Variants in PPP1R37 observed in about 807,000 individuals in gnomAD.
PPP1R37 encodes the protein protein phosphatase 1 regulatory subunit 37.
PPP1R37 carries 21 observed loss-of-function variants against 61.0 expected under a neutral mutation model. That is an observed-to-expected ratio of 0.34 (90% CI 0.24 to 0.50). PPP1R37 has a LOEUF of 0.50. PPP1R37 is among the 20% of genes least tolerant of loss of function. The pLI is 0.98. For synonymous variants in PPP1R37, 443 were observed against 433.5 expected (o/e 1.02, Z -0.27); for missense variants, 910 against 952.7 (o/e 0.96, Z 0.59).
At chr19:45,140,434 G>A in intron 3 of PPP1R37, 72 bp from the exon 4 acceptor site, 1 of 1,313,948 alleles carries the variant, frequency 7.6e-7, no homozygotes, top group Non-Finnish European at 1.1e-6. Context: ...GGGAGGTTGG[G>A]GGCAGAGGGC....
chr19:45,100,853 C>A (rs1968054265), intron 1 of PPP1R37, among the ~76,000 whole-genome samples: 1 of 152,182 alleles, frequency 6.6e-6, no homozygotes, highest in South Asian at 2.1e-4. Flanking sequence ...GAGATTTGTG[C>A]TGCTCCTCTG....
At chr19:45,098,536 C>T (rs1475903921) in intron 1 of PPP1R37, among the ~76,000 whole-genome samples, 1 of 152,270 alleles carries the variant, frequency 6.6e-6, no homozygotes, top group East Asian at 1.9e-4. Context: ...GGTTTGCCCA[C>T]TAGGAAGCTA....
intron 1 of PPP1R37, chr19:45,128,463 TAGAGGCAGCGGCAGCAGCAGGCCC>T: frequency 1.6e-6 from 1 of 626,910 alleles, no homozygotes; most frequent in Non-Finnish European, 2.7e-6. Flanking sequence ...GGCAGGGTGG[TAGAGGCAGCGGCAGCAGCAGGCCC>T]AGAGGCAGCG....
chr19:45,125,587 G>A (rs941315505), intron 1 of PPP1R37, among the ~76,000 whole-genome samples: 1 of 152,222 alleles, frequency 6.6e-6, no homozygotes, highest in African/African-American at 2.4e-5. Context: ...AACCACCCTA[G>A]TGGGAAGAGA....
intron 1 of PPP1R37, among the ~76,000 whole-genome samples, chr19:45,102,502 G>T (rs527845228): frequency 6.6e-6 from 1 of 152,358 alleles, no homozygotes; most frequent in African/African-American, 2.4e-5. Context: ...GGCTGTTGCA[G>T]GCGCTCATGA....
rs1968681219 is a variant in PPP1R37 at position 45,145,563 on chromosome 19, C to CCGGACT, written c.1509_1514dup (p.Ser511_Asp512dup). The CCGGACT allele has an allele frequency of 6.5e-7, 1 of 1,535,440 alleles. No homozygotes were observed. Among genetic ancestry groups the CCGGACT allele is most frequent in the African/African-American group, 1.4e-5 (1 of 73,064 alleles). ...CGGGGCCCCCAGCCCCGCACCCAGCCCGGACTCAGACTCAGACTCGGACTC... is the reference window on the plus strand; with the variant it reads ...CGGGGCCCCCAGCCCCGCACCCAGCCCGGACTCGGACTCAGACTCAGACTCGGACTC... On this transcript the variant is annotated inframe_insertion, in exon 11 of 13. Transcript: ENST00000221462.
At chr19:45,124,564 A>T (rs192767212) in intron 1 of PPP1R37, among the ~76,000 whole-genome samples, 138 of 152,124 alleles carry the variant, frequency 9.1e-4, no homozygotes, top group African/African-American at 3.1e-3. Context: ...GCTCTCACGC[A>T]TCATCTGTGT....
chr19:45,127,373 A>C (rs2036988960), intron 1 of PPP1R37, among the ~76,000 whole-genome samples: 1 of 149,712 alleles, frequency 6.7e-6, no homozygotes, highest in Non-Finnish European at 1.5e-5. Flanking sequence ...AAAAAAAAAA[A>C]AAACCCTAGG....
At chr19:45,137,260 CCT>C (rs1341670885) in intron 1 of PPP1R37, among the ~76,000 whole-genome samples, 1 of 152,228 alleles carries the variant, frequency 6.6e-6, no homozygotes, top group Non-Finnish European at 1.5e-5. Flanking sequence ...AGTACAAATT[CCT>C]GTCAGCTGGT....
chr19:45,100,607 C>G (rs926259664), intron 1 of PPP1R37, among the ~76,000 whole-genome samples: 1 of 152,232 alleles, frequency 6.6e-6, no homozygotes, highest in African/African-American at 2.4e-5. Flanking sequence ...AGCCTGGCGC[C>G]GAAGCCTGCG....
At chr19:45,109,399 T>C (rs1388316522) in intron 1 of PPP1R37, among the ~76,000 whole-genome samples, 1 of 152,108 alleles carries the variant, frequency 6.6e-6, no homozygotes, top group Non-Finnish European at 1.5e-5. Context: ...AGCCCAGGCC[T>C]TGGAGGCCCT....
intron 1 of PPP1R37, among the ~76,000 whole-genome samples, chr19:45,110,116 C>CTTT (rs373508881): frequency 4.9e-5 from 7 of 142,486 alleles, no homozygotes; most frequent in African/African-American, 2.6e-5. Flanking sequence ...TTCCCTTTTT[C>CTTT]TTTTTTTTTT....
At chr19:45,106,018 G>A (rs567084601) in intron 1 of PPP1R37, among the ~76,000 whole-genome samples, 1 of 152,330 alleles carries the variant, frequency 6.6e-6, no homozygotes, top group East Asian at 1.9e-4. Flanking sequence ...ACCAACAGGC[G>A]GGGCCATCTG....
chr19:45,103,976 C>T (rs1201590985), intron 1 of PPP1R37, among the ~76,000 whole-genome samples: 1 of 152,076 alleles, frequency 6.6e-6, no homozygotes, highest in Non-Finnish European at 1.5e-5. Flanking sequence ...GGAGGCCTTT[C>T]CCACAGAACG....
intron 1 of PPP1R37, chr19:45,136,479 A>T (rs1968540624): frequency 6.6e-6 from 1 of 152,216 alleles, no homozygotes; most frequent in African/African-American, 2.4e-5. Flanking sequence ...GGGCTTGTCC[A>T]TGGCTTGGGG....
At chr19:45,123,483 C>T (rs369246131) in intron 1 of PPP1R37, among the ~76,000 whole-genome samples, 54 of 152,384 alleles carry the variant, frequency 3.5e-4, no homozygotes, top group African/African-American at 1.3e-3. Context: ...TAGGCTCCCA[C>T]AACCTGTCTG....
At chr19:45,146,235 TG>T (rs1234057933) in intron 11 of PPP1R37, 154 bp from the exon 12 acceptor site, 12 of 871,742 alleles carry the variant, frequency 1.4e-5, no homozygotes, top group Admixed American at 3.0e-5. Context: ...CTTCCTGGGG[TG>T]GGGGGGCATG....
intron 1 of PPP1R37, among the ~76,000 whole-genome samples, chr19:45,106,275 C>G (rs1342025060): frequency 1.3e-5 from 2 of 152,002 alleles, no homozygotes; most frequent in Admixed American, 6.6e-5. Flanking sequence ...GAGTTTCGCT[C>G]TTGTTGCCCA....
chr19:45,093,558 T>C, intron 1 of PPP1R37, 31 bp downstream of exon 1: 3 of 1,512,902 alleles, frequency 2.0e-6, no homozygotes, highest in Non-Finnish European at 1.8e-6. Context: ...GGGGGCGGGC[T>C]CGAGAGGGAC....
Sources: gnomAD v4.1 joint callset for allele counts (sites outside exome capture counted in the v4.1 genomes callset) on GRCh38, gnomAD v4.1.1 for gene constraint, MANE v1.5 for transcripts, NCBI Gene and HGNC (gene_info 2026-07-23, HGNC 2026-07-21) for gene names.